TMEM260: variants seen among roughly 807,000 people sequenced by gnomAD.
The protein encoded by TMEM260 is transmembrane protein 260, also known as protein O-mannosyl-transferase TMEM260.
TMEM260 carries 82 observed loss-of-function variants against 88.9 expected under a neutral mutation model. The ratio of observed to expected loss-of-function variants is 0.92; its 90% CI spans 0.77 to 1.11. The LOEUF (loss-of-function observed/expected upper bound fraction) is 1.11. TMEM260 is among the 50% of genes least tolerant of loss of function. The pLI, the probability that TMEM260 is intolerant of heterozygous loss-of-function variation, is 0.00. For missense variants in TMEM260, 902 were observed against 853.4 expected, an observed-to-expected ratio of 1.06 and a Z score of -0.71; for synonymous variants, 314 against 309.3, an observed-to-expected ratio of 1.02 and a Z score of -0.16.
In TMEM260 at chr14:56,649,156, G is replaced by A. The variant is rs555400415; in HGVS notation, c.*1659G>A. On this transcript the variant is annotated 3_prime_UTR_variant, in exon 16 of 16. Transcript: ENST00000261556. Reference sequence around the variant, plus strand: ...GTTAGGAAGACAAATAAATGGAGGAGCTCATTAATCCGCTTTTGGCTCTCA... The same window carrying A: ...GTTAGGAAGACAAATAAATGGAGGAACTCATTAATCCGCTTTTGGCTCTCA... The A allele has an allele frequency of 6.5e-6, 1 of 152,760 alleles. No homozygotes were observed. Among genetic ancestry groups the A allele is most frequent in the South Asian group, 2.1e-4 (1 of 4,822 alleles). The allele number at this position is 152,760 out of a possible 1,614,324, so 9.5% of individuals were successfully genotyped here.
At chr14:56,611,217 C>T (rs1413654427) in intron 6 of TMEM260, among the ~76,000 whole-genome samples, 4 of 152,042 alleles carry the variant, frequency 2.6e-5, no homozygotes, top group African/African-American at 9.7e-5. Context: ...CCGCCCACCT[C>T]GGCCTCCCAA....
chr14:56,627,407 C>T (rs910741992), intron 12 of TMEM260, among the ~76,000 whole-genome samples: 13 of 151,978 alleles, frequency 8.6e-5, no homozygotes, highest in South Asian at 2.1e-4. Context: ...AAAACAATTT[C>T]CTTATGTTTT....
chr14:56,581,362 CCTTT>C (rs1226434557), intron 1 of TMEM260, among the ~76,000 whole-genome samples: 1 of 152,090 alleles, frequency 6.6e-6, no homozygotes, highest in Non-Finnish European at 1.5e-5. Context: ...CAAATTGTTA[CCTTT>C]CTTCTTTCAG....
At position 56,625,379 on chromosome 14, in the gene TMEM260, C is replaced by A. The variant is rs1594866586; in HGVS notation, c.1399-3C>A. 6.2e-7 allele frequency: 1 copy of A among 1,609,880 alleles called. No individual in the cohort carries two copies. The highest frequency in any genetic ancestry group is 1.7e-5 in the Admixed American group (1 of 59,082). ...CTGACATTATGTGTGACTTTTCTGG[C>A]AGATGATGACTTACGAGTGGTATTT... On this transcript the variant is annotated splice_region_variant and splice_polypyrimidine_tract_variant and intron_variant, in intron 11 of 15. Coordinates refer to ENST00000261556, the MANE Select transcript of TMEM260 (RefSeq NM_017799.4).
At chr14:56,652,218 G>A (rs151258614), downstream of TMEM260, among the ~76,000 whole-genome samples, 206 of 152,294 alleles carry the variant, frequency 1.4e-3, 3 homozygotes, top group East Asian at 0.022. Flanking sequence ...ATTCAGGGCC[G>A]GGAGTGGTGG....
At chr14:56,646,529 C>T (rs2139661194) in intron 15 of TMEM260, among the ~76,000 whole-genome samples, 1 of 152,176 alleles carries the variant, frequency 6.6e-6, no homozygotes, top group South Asian at 2.1e-4. Context: ...GTAGAAAACT[C>T]AGTATAAAAA....
In TMEM260 at chr14:56,580,040, C is replaced by T; in HGVS notation, c.126C>T (p.Phe42=). The T allele has an allele frequency of 8.0e-7, 1 of 1,251,186 alleles. No individual in the cohort carries two copies. The highest frequency in any genetic ancestry group is 1.0e-6 in the Non-Finnish European group (1 of 990,126). 77.5% of individuals were successfully genotyped at this position (1,251,186 alleles called of 1,614,324 possible). The part of the protein sequence containing the change: ...VFAAVAAVFT[F]TLPPSVPGGD... ...CCGCCGTGGCCGCAGTGTTCACCTT[C>T]ACCCTGCCCCCTTCGGTACCGGGGG... The change falls in exon 1 of 16, where the codon TTC becomes TTT. Residue 42 remains phenylalanine, a synonymous_variant. Transcript: ENST00000261556.
intron 10 of TMEM260, among the ~76,000 whole-genome samples, chr14:56,620,356 G>T (rs1375331565): frequency 2.0e-5 from 3 of 152,118 alleles, no homozygotes; most frequent in Non-Finnish European, 4.4e-5. Flanking sequence ...TGTTAGGAAG[G>T]CCACCAGGAG....
At chr14:56,614,857 TATGAGAAAATCCTTCAAA>T (rs1470441329) in intron 7 of TMEM260, among the ~76,000 whole-genome samples, 48 of 152,296 alleles carry the variant, frequency 3.2e-4, no homozygotes, top group African/African-American at 1.1e-3. Flanking sequence ...ATAATTAACT[TATGAGAAAATCCTTCAAA>T]ATGATAGAAG....
At chr14:56,584,171 T>G (rs575983532) in intron 1 of TMEM260, among the ~76,000 whole-genome samples, 1 of 152,220 alleles carries the variant, frequency 6.6e-6, no homozygotes, top group Admixed American at 6.5e-5. Context: ...GGACAGAAAT[T>G]AAATGCAGAG....
chr14:56,653,741 C>CAAAAAAACAAAAAACA (rs1555343554), downstream of TMEM260, among the ~76,000 whole-genome samples: 37 of 97,914 alleles, frequency 3.8e-4, no homozygotes, highest in African/African-American at 1.4e-3. Flanking sequence ...GTCTCCAAAA[C>CAAAAAAACAAAAAACA]AAAAAAAAAA....
At chr14:56,610,841 A>C (rs1473144341) in intron 6 of TMEM260, among the ~76,000 whole-genome samples, 1 of 152,150 alleles carries the variant, frequency 6.6e-6, no homozygotes, top group African/African-American at 2.4e-5. Flanking sequence ...AGTGCTCATA[A>C]AGAGCTTAAG....
chr14:56,613,376 TC>T (rs1233428721), intron 7 of TMEM260: 3 of 152,184 alleles, frequency 2.0e-5, no homozygotes, highest in Non-Finnish European at 4.4e-5. Context: ...TTAAACAACT[TC>T]TTTTTTCTAC....
chr14:56,579,802 C>CG lies in TMEM260; in HGVS notation c.-111dup. The CG allele has an allele frequency of 1.8e-6, 2 of 1,090,318 alleles. No homozygotes were observed. Among genetic ancestry groups the CG allele is most frequent in the Non-Finnish European group, 2.3e-6 (2 of 859,932 alleles). The allele number at this position is 1,090,318 out of a possible 1,614,324, so 67.5% of individuals were successfully genotyped here. A position where few individuals can be genotyped will look rare whatever the true frequency, so the allele number is the denominator to read the frequency against. ...CGGTCCAACCCGCGGAGGCTCGACC[C>CG]GGAAGCCGCCGTGGCCGCCGCACAA... On this transcript the variant is annotated 5_prime_UTR_variant, in exon 1 of 16. Coordinates refer to ENST00000261556, the MANE Select transcript of TMEM260 (RefSeq NM_017799.4).
intron 3 of TMEM260, among the ~76,000 whole-genome samples, chr14:56,592,405 C>T (rs1286883209): frequency 6.6e-6 from 1 of 152,034 alleles, no homozygotes; most frequent in East Asian, 1.9e-4. Flanking sequence ...ATAATTTTCC[C>T]ACAGAGTACC....
intron 12 of TMEM260, among the ~76,000 whole-genome samples, chr14:56,627,687 A>G (rs545087613): frequency 2.3e-4 from 35 of 152,366 alleles, no homozygotes; most frequent in African/African-American, 8.2e-4. Context: ...CCATCATCAT[A>G]TGAAAGTTAT....
chr14:56,605,534 T>G, intron 4 of TMEM260, 36 bp from the exon 5 acceptor site: 1 of 1,246,814 alleles, frequency 8.0e-7, no homozygotes, highest in African/African-American at 1.5e-5. Flanking sequence ...TTTAGGTGAA[T>G]TTTTTACTTA....
chr14:56,656,279 C>G, the TMEM260 span, among the ~76,000 whole-genome samples: 1 of 152,042 alleles, frequency 6.6e-6, no homozygotes, highest in African/African-American at 2.4e-5. Context: ...AATTGCCAAG[C>G]ATGGTGTCGT....
chr14:56,622,214 G>T (rs532782850), intron 11 of TMEM260, among the ~76,000 whole-genome samples: 36 of 151,626 alleles, frequency 2.4e-4, no homozygotes, highest in Admixed American at 1.2e-3. Flanking sequence ...GTGGTGGCAC[G>T]CGCCTGTAGT....
Sources: gnomAD v4.1 joint callset for allele counts (sites outside exome capture counted in the v4.1 genomes callset) on GRCh38, gnomAD v4.1.1 for gene constraint, MANE v1.5 for transcripts, NCBI Gene and HGNC (gene_info 2026-07-23, HGNC 2026-07-21) for gene names.